The following GPLD1 variants were observed in gnomAD, a reference collection of about 807,000 sequenced individuals.
GPLD1 encodes glycosylphosphatidylinositol specific phospholipase D1, also known as phosphatidylinositol-glycan-specific phospholipase D.
Under a neutral mutation model 112.6 loss-of-function variants are expected in GPLD1, and 84 were observed. That is an observed-to-expected ratio of 0.75 (90% CI 0.63 to 0.89). The LOEUF (loss-of-function observed/expected upper bound fraction) is 0.89. Among genes scored for constraint, GPLD1 ranks in the 40% least tolerant of loss-of-function variants. The probability of loss-of-function intolerance (pLI) is 0.00; values close to 1 mark genes in which losing one functional copy is unlikely to be tolerated. For missense variants in GPLD1, 1,044 were observed against 1,051.5 expected (o/e 0.99, Z 0.10); for synonymous variants, 386 against 403.8 (o/e 0.96, Z 0.53).
intron 7 of GPLD1, among the ~76,000 whole-genome samples, chr6:24,467,890 TTG>T (rs1352170452): frequency 2.6e-5 from 4 of 151,472 alleles, no homozygotes; most frequent in Non-Finnish European, 2.9e-5. Flanking sequence ...TTCTGTGTGG[TTG>T]TTTTTGTTTT....
intron 24 of GPLD1, among the ~76,000 whole-genome samples, chr6:24,430,892 G>T (rs759714232): frequency 6.6e-6 from 1 of 152,048 alleles, no homozygotes; most frequent in African/African-American, 2.4e-5. Context: ...AGGTACATTT[G>T]CAGTGTTTTA....
intron 2 of GPLD1, among the ~76,000 whole-genome samples, chr6:24,485,450 A>G (rs1764338354): frequency 6.6e-6 from 1 of 151,218 alleles, no homozygotes; most frequent in Non-Finnish European, 1.5e-5. Context: ...AGATTAGCAC[A>G]TTTTTAAAAA....
intron 6 of GPLD1, among the ~76,000 whole-genome samples, chr6:24,472,901 T>G (rs1763872617): frequency 1.3e-5 from 2 of 151,774 alleles, no homozygotes; most frequent in South Asian, 4.2e-4. Context: ...TCAGCCTCCC[T>G]CGTAGCTGGG....
chr6:24,433,986 G>GTAAATAAAC (rs1191617348), intron 22 of GPLD1, among the ~76,000 whole-genome samples: 1 of 152,112 alleles, frequency 6.6e-6, no homozygotes, highest in African/African-American at 2.4e-5. Flanking sequence ...TGAATAATGG[G>GTAAATAAAC]TAAATAAACT....
At chr6:24,456,033 A>C (rs567700932) in intron 13 of GPLD1, among the ~76,000 whole-genome samples, 57 of 152,214 alleles carry the variant, frequency 3.7e-4, no homozygotes, top group South Asian at 3.1e-3. Flanking sequence ...AAATTTTTTT[A>C]ATCAAATAAA....
At chr6:24,495,254 T>G (rs1225985397), upstream of GPLD1, 1 of 1,529,088 alleles carries the variant, frequency 6.5e-7, no homozygotes, top group Non-Finnish European at 8.7e-7. Flanking sequence ...GCGGCGCCGC[T>G]CTGGGCATGG....
rs952282901 is a variant in GPLD1, at chr6:24,431,659, C to T, written c.2436+1528G>A. On this transcript the variant is annotated intron_variant, in intron 24 of 24. Transcript: ENST00000230036. ...AAGCGATTCTCCTGCCTCAGTCTCC[C>T]GAATAGCTGAGACTATAGGCATGCA... is the stretch of plus-strand genomic sequence containing the variant. Among the ~76,000 whole-genome samples, 7 of 151,858 alleles carry T rather than the reference C, an allele frequency of 4.6e-5. No individual in the cohort carries two copies. The South Asian group carries it at 8.4e-4, about 18-fold the overall frequency.
chr6:24,460,477 C>T, intron 11 of GPLD1, 78 bp from the exon 12 acceptor site: 1 of 1,492,738 alleles, frequency 6.7e-7, no homozygotes. Flanking sequence ...AGAATATAGT[C>T]AAGTTAATCA....
At chr6:24,449,138 A>G (rs1763001464) in intron 15 of GPLD1, among the ~76,000 whole-genome samples, 1 of 151,960 alleles carries the variant, frequency 6.6e-6, no homozygotes, top group Admixed American at 6.6e-5. Context: ...CAAGCAGAGG[A>G]AACTGTACGA....
chr6:24,466,929 T>C lies in GPLD1; in HGVS notation c.664A>G (p.Met222Val), dbSNP rs747868544. 8.3e-5 allele frequency: 134 copies of C among 1,611,008 alleles called. No individual in the cohort carries two copies. Among genetic ancestry groups the C allele is most frequent in the Non-Finnish European group, 1.1e-4 (126 of 1,177,302 alleles). ...GCCTTTACCTTGGAAACAGCTAGCA[T>C]CTCACCATACCTGCAAAATAAACAA... ...HIQFLEMYGE[M>V]LAVSKLYPTY... Residue 222 changes from methionine (M) to valine (V), a missense_variant, in exon 9 of 25, where the codon ATG (methionine) becomes GTG (valine). Transcript: ENST00000230036.
At chr6:24,470,132 T>TG (rs59592163) in intron 7 of GPLD1, among the ~76,000 whole-genome samples, 9,205 of 151,780 alleles carry the variant, frequency 0.061, 840 homozygotes, top group African/African-American at 0.2. Flanking sequence ...ACGGTTTTTT[T>TG]TTTGTTTGTT....
At chr6:24,488,625 A>T (rs182347325) in intron 1 of GPLD1, among the ~76,000 whole-genome samples, 26 of 144,970 alleles carry the variant, frequency 1.8e-4, no homozygotes, top group African/African-American at 6.3e-4. Flanking sequence ...CATGGTAGCT[A>T]TGTGGGGGGG....
intron 1 of GPLD1, chr6:24,494,955 G>C: frequency 1.6e-6 from 2 of 1,283,098 alleles, no homozygotes; most frequent in Non-Finnish European, 2.0e-6. Flanking sequence ...CCGTGCGCGC[G>C]CGCCCGCTTG....
Position 24,445,709 on chromosome 6 carries a change from G to T in GPLD1, c.1926+17C>A. The T allele has an allele frequency of 6.2e-7, 1 of 1,605,778 alleles. No individual in the cohort carries two copies. The highest frequency in any genetic ancestry group is 8.5e-7 in the Non-Finnish European group (1 of 1,172,526). The stretch of plus-strand genomic sequence containing the variant: ...CTTGGAGTGTCCACTCTCCTGTGTG[G>T]GGAGGGCTTGTCATACCTTGTCTCC... On this transcript the variant is annotated intron_variant, in intron 19 of 24. Coordinates refer to ENST00000230036, the MANE Select transcript of GPLD1 (RefSeq NM_001503.4).
intron 14 of GPLD1, among the ~76,000 whole-genome samples, chr6:24,451,960 G>C (rs1439035602): frequency 1.3e-5 from 2 of 152,194 alleles, no homozygotes; most frequent in Admixed American, 6.5e-5. Context: ...GTCATTCCGA[G>C]AGGAGCACAG....
intron 5 of GPLD1, among the ~76,000 whole-genome samples, 186 bp downstream of exon 5, chr6:24,474,935 A>G (rs1156614507): frequency 6.8e-6 from 1 of 147,852 alleles, no homozygotes; most frequent in African/African-American, 2.6e-5. Context: ...CAACAGAGTG[A>G]GACTCCATCT....
rs373792546 is a variant in GPLD1 at position 24,466,859 on chromosome 6, C to G, written c.682-40G>C. On this transcript the variant is annotated intron_variant, in intron 9 of 24. Coordinates refer to ENST00000230036, the MANE Select transcript of GPLD1 (RefSeq NM_001503.4). ...AAGAAAAAATAAAATGAATATGGTA[C>G]TATTCCTGGTATCTTTATAATCCTT... 1.9e-6 allele frequency: 3 copies of G among 1,592,702 alleles called. No individual in the cohort carries two copies. The African/African-American group carries it at 4.0e-5, about 21-fold the overall frequency.
intron 5 of GPLD1, 132 bp downstream of exon 5, chr6:24,474,989 T>C (rs1468175360): frequency 1.8e-6 from 1 of 554,670 alleles, no homozygotes; most frequent in South Asian, 2.8e-5. Flanking sequence ...GATGGGACTC[T>C]AACCAAACAC....
chr6:24,434,396 A>T (rs79190993), intron 22 of GPLD1, among the ~76,000 whole-genome samples: 1 of 140,232 alleles, frequency 7.1e-6, no homozygotes, highest in East Asian at 2.1e-4. Context: ...AGACTCCATT[A>T]AAAAAAAAAA....
Sources: gnomAD v4.1 joint callset for allele counts (sites outside exome capture counted in the v4.1 genomes callset) on GRCh38, gnomAD v4.1.1 for gene constraint, MANE v1.5 for transcripts, NCBI Gene and HGNC (gene_info 2026-07-23, HGNC 2026-07-21) for gene names.